GNPTAB: variants seen among roughly 807,000 people sequenced by gnomAD.
GNPTAB encodes N-acetylglucosamine-1-phosphate transferase subunits alpha and beta.
In GNPTAB, 92 loss-of-function variants were observed where a neutral mutation model predicts 136.6. The ratio of observed to expected loss-of-function variants is 0.67; its 90% CI spans 0.57 to 0.80. GNPTAB has a LOEUF of 0.80. Ranked by LOEUF, GNPTAB falls within the 30% of genes least tolerant of loss-of-function variation. GNPTAB has a pLI of 0.00. For synonymous variants in GNPTAB, 512 were observed against 535.1 expected (o/e 0.96, Z 0.60); for missense variants, 1,343 against 1,501.8 (o/e 0.89, Z 1.75).
rs931982370 is a variant in GNPTAB at position 101,771,105 on chromosome 12, T to C, written c.824A>G (p.Lys275Arg). Residue 275 changes from lysine to arginine, a missense_variant, in exon 8 of 21, where the codon AAG becomes AGG. Lys to Arg is a conservative substitution (Grantham distance 26). Coordinates refer to ENST00000299314, the MANE Select transcript of GNPTAB (RefSeq NM_024312.5). ...TTGCTTATTCAATTCTTGAAAATCCTTGGGGTTATTCAGTTTTAGAAGCGC... is the reference window on the plus strand; with the variant it reads ...TTGCTTATTCAATTCTTGAAAATCCCTGGGGTTATTCAGTTTTAGAAGCGC... ...SVALLKLNNP[K>R]DFQELNKQTK... The C allele has an allele frequency of 2.5e-6, 4 of 1,613,804 alleles. No homozygotes were observed. The highest frequency in any genetic ancestry group is 1.6e-4 in the Middle Eastern group (1 of 6,082).
chr12:101,828,901 T>C (rs867403287), intron 1 of GNPTAB, among the ~76,000 whole-genome samples: 11 of 152,252 alleles, frequency 7.2e-5, no homozygotes, highest in African/African-American at 2.7e-4. Flanking sequence ...GCCTGATACC[T>C]GTTAAGACCA....
chr12:101,798,960 A>G (rs566948173), intron 1 of GNPTAB, among the ~76,000 whole-genome samples: 3 of 152,188 alleles, frequency 2.0e-5, no homozygotes, highest in Non-Finnish European at 4.4e-5. Flanking sequence ...GAAAAAGTTG[A>G]ATGGTTTGAC....
At chr12:101,806,901 A>G (rs1015414439) in intron 1 of GNPTAB, among the ~76,000 whole-genome samples, 1 of 152,218 alleles carries the variant, frequency 6.6e-6, no homozygotes, top group Non-Finnish European at 1.5e-5. Flanking sequence ...AGAAAATGGA[A>G]GCAGAGAGAA....
chr12:101,764,387 T>C lies in GNPTAB; in HGVS notation c.2530A>G (p.Ser844Gly), dbSNP rs1457591234. The change falls in exon 13 of 21, where the codon AGC becomes GGC. Residue 844 changes from serine (S) to glycine (G), a missense_variant. By Grantham distance (56) the Ser-to-Gly change is moderately conservative (BLOSUM62 0). Transcript: ENST00000299314. ...KPPSLIVPLE[S>G]QMTKEKKITG... ...ATTTTCTTTTCTTTTGTCATCTGGC[T>C]TTCCAGTGGAACAATCAGAGATGGG... is the stretch of plus-strand genomic sequence containing the variant. 6.2e-7 allele frequency: 1 copy of C among 1,613,936 alleles called. No homozygotes were observed. The highest frequency in any genetic ancestry group is 8.5e-7 in the Non-Finnish European group (1 of 1,180,026).
chr12:101,828,844 G>C (rs1871235901), intron 1 of GNPTAB, among the ~76,000 whole-genome samples: 4 of 152,228 alleles, frequency 2.6e-5, no homozygotes, highest in Admixed American at 2.0e-4. Flanking sequence ...CAGGGGTGAT[G>C]TTGTGAGGAT....
intron 19 of GNPTAB, 127 bp from the exon 20 acceptor site, chr12:101,749,318 C>A: frequency 1.4e-6 from 1 of 709,490 alleles, no homozygotes; most frequent in South Asian, 1.5e-5. Context: ...TCTTGCAATT[C>A]TAAAATGCTC....
Position 101,786,949 on chromosome 12 carries a change from A to G in GNPTAB, c.366-732T>C, listed in dbSNP as rs1868681853. On this transcript the variant is annotated intron_variant, in intron 4 of 20. Transcript: ENST00000299314. ...CTCAATATTAGCACAAGTGCAGTAA[A>G]TCTCCTTCTCTTAAATACTGCTGGT... Among the ~76,000 whole-genome samples, 3 of 152,326 alleles carry G rather than the reference A, an allele frequency of 2.0e-5. No homozygotes were observed. The South Asian group carries it at 6.2e-4, about 32-fold the overall frequency.
rs1182013452 is a variant in GNPTAB, at chr12:101,746,436, G to A, written c.*728C>T. 1 of 152,220 alleles carries A rather than the reference G, an allele frequency of 6.6e-6. No homozygotes were observed. Among genetic ancestry groups the A allele is most frequent in the Non-Finnish European group, 1.5e-5 (1 of 68,076 alleles). The allele number at this position is 152,220 out of a possible 1,614,324, so 9.4% of individuals were successfully genotyped here. On this transcript the variant is annotated 3_prime_UTR_variant, in exon 21 of 21. Transcript: ENST00000299314. ...CATTTCCAAAACATAATTACATCTGGTAAGTAGTACTAACTCTAGCCCTTT... is the reference window on the plus strand; with the variant it reads ...CATTTCCAAAACATAATTACATCTGATAAGTAGTACTAACTCTAGCCCTTT...
intron 11 of GNPTAB, among the ~76,000 whole-genome samples, chr12:101,767,021 T>C (rs1395938368): frequency 6.6e-6 from 1 of 152,232 alleles, no homozygotes; most frequent in Non-Finnish European, 1.5e-5. Context: ...GACTGACTTC[T>C]CTGGTCTACA....
intron 4 of GNPTAB, among the ~76,000 whole-genome samples, chr12:101,787,082 A>T (rs920355142): frequency 6.6e-6 from 1 of 152,220 alleles, no homozygotes. Context: ...AGAACCATAA[A>T]AACATACATA....
At chr12:101,806,744 G>A (rs1453054908) in intron 1 of GNPTAB, among the ~76,000 whole-genome samples, 1 of 152,010 alleles carries the variant, frequency 6.6e-6, no homozygotes, top group African/African-American at 2.4e-5. Flanking sequence ...GAGGTCATCT[G>A]AATAGGGCTA....
In GNPTAB at chr12:101,747,363, A is replaced by G. The variant is rs1952749192; in HGVS notation, c.3694-122T>C. 11 of 675,744 alleles carry G rather than the reference A, an allele frequency of 1.6e-5. No homozygotes were observed. The South Asian group carries it at 1.8e-4, about 11-fold the overall frequency. 41.9% of individuals were successfully genotyped at this position (675,744 alleles called of 1,614,324 possible). A position where few individuals can be genotyped will look rare whatever the true frequency, so the allele number is the denominator to read the frequency against. Reference sequence around the variant, plus strand: ...TTCCACAATCTTATACATTAAAAAGACAACAAACAAATCTCCATCATTCCT... The same window carrying G: ...TTCCACAATCTTATACATTAAAAAGGCAACAAACAAATCTCCATCATTCCT... On this transcript the variant is annotated intron_variant, in intron 20 of 20. Transcript: ENST00000299314.
chr12:101,760,781 C>CTTTTT (rs879535763), intron 15 of GNPTAB, among the ~76,000 whole-genome samples: 2 of 137,226 alleles, frequency 1.5e-5, no homozygotes, highest in Non-Finnish European at 1.6e-5. Flanking sequence ...ATTTTCTTTT[C>CTTTTT]TTTTTTTTTT....
chr12:101,800,009 A>G (rs969608989), intron 1 of GNPTAB, among the ~76,000 whole-genome samples: 3 of 152,194 alleles, frequency 2.0e-5, no homozygotes, highest in African/African-American at 4.8e-5. Context: ...GTTTCCATAC[A>G]CTTGTACGTG....
chr12:101,768,150 G>A lies in GNPTAB; in HGVS notation c.1295C>T (p.Thr432Ile). ...CTCGGCACAGTTTGGCACAGGCCAT[G>A]TCAAATAAACCTACGATAAAACCAA... Reference protein sequence around the residue: ...SHSKGQKVYLTWPVPNCAEGC... With the variant: ...SHSKGQKVYLIWPVPNCAEGC... Residue 432 changes from threonine (T) to isoleucine (I), a missense_variant, in exon 11 of 21, where the codon ACA becomes ATA. Coordinates refer to ENST00000299314, the MANE Select transcript of GNPTAB (RefSeq NM_024312.5). 6.2e-7 allele frequency: 1 copy of A among 1,614,172 alleles called. No homozygotes were observed. Among genetic ancestry groups the A allele is most frequent in the Non-Finnish European group, 8.5e-7 (1 of 1,179,988 alleles).
At chr12:101,755,580 G>A (rs1051776155) in intron 18 of GNPTAB, among the ~76,000 whole-genome samples, 4 of 152,160 alleles carry the variant, frequency 2.6e-5, no homozygotes, top group African/African-American at 9.7e-5. Context: ...GCCTGATGAT[G>A]AAGCCATCAC....
At chr12:101,819,324 T>A (rs1187444764) in intron 1 of GNPTAB, among the ~76,000 whole-genome samples, 1 of 152,152 alleles carries the variant, frequency 6.6e-6, no homozygotes, top group Non-Finnish European at 1.5e-5. Context: ...AACCTCTTTT[T>A]CTTTATAAAC....
intron 7 of GNPTAB, chr12:101,773,024 T>C (rs11111017): frequency 0.28 from 44,584 of 161,720 alleles, 7,191 homozygotes; most frequent in African/African-American, 0.45. Context: ...TTCATCACAT[T>C]GGCCAGGCTG....
At chr12:101,824,487 G>C (rs1402771929) in intron 1 of GNPTAB, among the ~76,000 whole-genome samples, 1 of 113,434 alleles carries the variant, frequency 8.8e-6, no homozygotes, top group Non-Finnish European at 1.7e-5. Flanking sequence ...TTTTGTTTGA[G>C]ACAGAGCCTC....
Sources: allele counts gnomAD v4.1 joint callset (sites outside exome capture counted in the v4.1 genomes callset), GRCh38; gene constraint gnomAD v4.1.1; transcripts MANE v1.5; gene names NCBI Gene and HGNC (gene_info 2026-07-23, HGNC 2026-07-21).